The following REDIC1 variants were observed in gnomAD, a reference collection of about 807,000 sequenced individuals.
REDIC1 encodes the protein HEI10 Interacting Protein 1.
At chr12:39,636,291 T>C in the REDIC1 span, among the ~76,000 whole-genome samples, 1 of 152,158 alleles carries the variant, frequency 6.6e-6, no homozygotes, top group Admixed American at 6.6e-5. Context: ...ATTTTTGCTT[T>C]ATTGGTTTAA....
chr12:39,865,850 G>C, the REDIC1 span, among the ~76,000 whole-genome samples: 2 of 152,128 alleles, frequency 1.3e-5, no homozygotes, highest in Non-Finnish European at 2.9e-5. Flanking sequence ...TACAATGAAG[G>C]GAACAACAGA....
chr12:39,753,780 A>T, the REDIC1 span, among the ~76,000 whole-genome samples: 1 of 152,152 alleles, frequency 6.6e-6, no homozygotes, highest in Admixed American at 6.6e-5. Context: ...CTTGCTTTCC[A>T]TGATTCATTG....
the REDIC1 span, among the ~76,000 whole-genome samples, chr12:39,812,210 G>A: frequency 6.6e-6 from 1 of 152,046 alleles, no homozygotes; most frequent in Non-Finnish European, 1.5e-5. Flanking sequence ...TGGTAGAATG[G>A]AAGAGGGAAT....
the REDIC1 span, among the ~76,000 whole-genome samples, chr12:39,627,087 A>AT: frequency 0.021 from 3,131 of 152,218 alleles, 43 homozygotes; most frequent in South Asian, 0.029. Flanking sequence ...ATTACATGTA[A>AT]TTTTTTTGTC....
the REDIC1 span, among the ~76,000 whole-genome samples, chr12:39,708,038 G>T: frequency 6.6e-6 from 1 of 151,722 alleles, no homozygotes; most frequent in Non-Finnish European, 1.5e-5. Context: ...TGGGAGGGTG[G>T]TGATAGTTAA....
the REDIC1 span, among the ~76,000 whole-genome samples, chr12:39,710,859 T>A: frequency 7.9e-5 from 12 of 151,266 alleles, no homozygotes; most frequent in South Asian, 1.3e-3. Context: ...TTACATAAAG[T>A]AGTTACTCAA....
At chr12:39,673,327 A>G in the REDIC1 span, among the ~76,000 whole-genome samples, 36 of 152,318 alleles carry the variant, frequency 2.4e-4, no homozygotes, top group African/African-American at 8.2e-4. Flanking sequence ...TAGTTAGTAG[A>G]GTCGGTCTGG....
the REDIC1 span, among the ~76,000 whole-genome samples, chr12:39,852,011 T>C: frequency 1.3e-5 from 2 of 152,142 alleles, no homozygotes; most frequent in South Asian, 2.1e-4. Context: ...TGTTGGAAAA[T>C]GTTATGGAAT....
At chr12:39,844,676 A>T in the REDIC1 span, among the ~76,000 whole-genome samples, 1 of 152,112 alleles carries the variant, frequency 6.6e-6, no homozygotes, top group Non-Finnish European at 1.5e-5. Context: ...TCATACACTC[A>T]GCTTTCAATG....
chr12:39,682,666 T>C, the REDIC1 span: 1 of 1,610,606 alleles, frequency 6.2e-7, no homozygotes, highest in East Asian at 2.2e-5. Flanking sequence ...GGATGAAGAT[T>C]GTAGAAGCAC....
chr12:39,892,359 CAGGGAGATT>C, the REDIC1 span, among the ~76,000 whole-genome samples: 2 of 152,150 alleles, frequency 1.3e-5, no homozygotes, highest in Non-Finnish European at 2.9e-5. Context: ...TATTTCTCCC[CAGGGAGATT>C]CTTGGAACTG....
chr12:39,645,420 T>C, the REDIC1 span, among the ~76,000 whole-genome samples: 1 of 152,038 alleles, frequency 6.6e-6, no homozygotes, highest in Non-Finnish European at 1.5e-5. Flanking sequence ...GCAGTGGGCC[T>C]CAGAGATGAC....
the REDIC1 span, among the ~76,000 whole-genome samples, chr12:39,784,767 C>G: frequency 6.6e-6 from 1 of 152,158 alleles, no homozygotes. Flanking sequence ...GCAAAAGAAA[C>G]TACCATCAGA....
the REDIC1 span, among the ~76,000 whole-genome samples, chr12:39,812,401 T>C: frequency 2.4e-4 from 34 of 143,250 alleles, no homozygotes; most frequent in Middle Eastern, 3.6e-3. Context: ...TCTCTCTCTT[T>C]CTTCCTTCCT....
the REDIC1 span, chr12:39,759,983 C>T: frequency 1.3e-6 from 2 of 1,487,182 alleles, no homozygotes; most frequent in Middle Eastern, 1.7e-4. Context: ...TGTTCTTCTC[C>T]CCCCAGTTTG....
At chr12:39,687,575 A>G in the REDIC1 span, among the ~76,000 whole-genome samples, 5 of 152,310 alleles carry the variant, frequency 3.3e-5, no homozygotes, top group Non-Finnish European at 7.3e-5. Flanking sequence ...GTGCGAAACC[A>G]TTCAGGAGAA....
chr12:39,742,005 A>G, the REDIC1 span, among the ~76,000 whole-genome samples: 1 of 152,144 alleles, frequency 6.6e-6, no homozygotes, highest in Admixed American at 6.5e-5. Flanking sequence ...GTGGCAGTCT[A>G]TGATCTCTAT....
the REDIC1 span, among the ~76,000 whole-genome samples, chr12:39,880,059 C>A: frequency 6.6e-6 from 1 of 152,154 alleles, no homozygotes; most frequent in African/African-American, 2.4e-5. Flanking sequence ...CTCTCTCTCG[C>A]GCTTGCTCTT....
the REDIC1 span, among the ~76,000 whole-genome samples, chr12:39,846,937 C>A: frequency 2.0e-5 from 3 of 152,118 alleles, no homozygotes; most frequent in Non-Finnish European, 4.4e-5. Flanking sequence ...AAGGAAATCA[C>A]TCATTTGTTC....
Sources: gnomAD v4.1 joint callset for allele counts (sites outside exome capture counted in the v4.1 genomes callset) on GRCh38, gnomAD v4.1.1 for gene constraint, MANE v1.5 for transcripts, NCBI Gene and HGNC (gene_info 2026-07-23, HGNC 2026-07-21) for gene names.